BAIAP2L1: variants seen among roughly 807,000 people sequenced by gnomAD.
The protein encoded by BAIAP2L1 is BAR/IMD domain-containing adapter protein 2-like 1.
BAIAP2L1 carries 35 observed loss-of-function variants against 66.3 expected under a neutral mutation model. That is an observed-to-expected ratio of 0.53 (90% CI 0.40 to 0.70). BAIAP2L1 has a LOEUF of 0.70. Among genes scored for constraint, BAIAP2L1 ranks in the 30% least tolerant of loss-of-function variants. The probability of loss-of-function intolerance (pLI) is 0.00; values close to 1 mark genes in which losing one functional copy is unlikely to be tolerated. For synonymous variants in BAIAP2L1, 269 were observed against 248.7 expected (o/e 1.08, Z -0.77); for missense variants, 622 against 656.9 (o/e 0.95, Z 0.58).
chr7:98,308,864 A>C (rs913552745), intron 9 of BAIAP2L1: 1 of 153,060 alleles, frequency 6.5e-6, no homozygotes, highest in Non-Finnish European at 1.5e-5. Flanking sequence ...TTTTTTGTAG[A>C]GACAGTGTCT....
At chr7:98,374,091 A>G (rs1802569336) in intron 1 of BAIAP2L1, among the ~76,000 whole-genome samples, 1 of 152,092 alleles carries the variant, frequency 6.6e-6, no homozygotes, top group Non-Finnish European at 1.5e-5. Flanking sequence ...AGGTGGGACT[A>G]CAGACGCAAA....
chr7:98,356,014 A>G (rs998609592), intron 2 of BAIAP2L1, among the ~76,000 whole-genome samples: 1 of 152,220 alleles, frequency 6.6e-6, no homozygotes, highest in Non-Finnish European at 1.5e-5. Flanking sequence ...TGAATGCTCT[A>G]CTTTTTCTTT....
intron 3 of BAIAP2L1, among the ~76,000 whole-genome samples, chr7:98,331,215 A>C (rs1039163239): frequency 1.3e-5 from 2 of 152,234 alleles, no homozygotes; most frequent in Admixed American, 6.5e-5. Flanking sequence ...ACAAAAAATG[A>C]AACAGAATAT....
intron 3 of BAIAP2L1, among the ~76,000 whole-genome samples, chr7:98,344,897 T>C (rs535304919): frequency 8.3e-4 from 126 of 152,272 alleles, no homozygotes; most frequent in Admixed American, 2.2e-3. Flanking sequence ...GATCGCGCCA[T>C]TGTACTCCAG....
chr7:98,319,851 C>T (rs997660623), intron 5 of BAIAP2L1, among the ~76,000 whole-genome samples: 4 of 152,058 alleles, frequency 2.6e-5, no homozygotes, highest in Non-Finnish European at 5.9e-5. Context: ...GCACCTGGCC[C>T]CTATGCTTTC....
At chr7:98,326,863 T>C (rs908377233) in intron 3 of BAIAP2L1, among the ~76,000 whole-genome samples, 1 of 148,026 alleles carries the variant, frequency 6.8e-6, no homozygotes, top group Non-Finnish European at 1.5e-5. Flanking sequence ...AATTGCTTAC[T>C]AGTCGTGACA....
chr7:98,296,899 G>A (rs552101240), intron 12 of BAIAP2L1, among the ~76,000 whole-genome samples: 15 of 152,274 alleles, frequency 9.9e-5, no homozygotes, highest in Admixed American at 8.5e-4. Flanking sequence ...TGTCTCAACC[G>A]CATACCTCAC....
intron 3 of BAIAP2L1, among the ~76,000 whole-genome samples, chr7:98,345,117 T>C (rs542368354): frequency 2.7e-4 from 41 of 152,124 alleles, no homozygotes; most frequent in African/African-American, 8.4e-4. Flanking sequence ...CTAGGCAACA[T>C]AGCGAGACCC....
intron 3 of BAIAP2L1, among the ~76,000 whole-genome samples, chr7:98,341,452 G>GT (rs781741041): frequency 1.3e-5 from 2 of 152,138 alleles, no homozygotes; most frequent in Non-Finnish European, 2.9e-5. Context: ...GGAGGCTGAG[G>GT]TGGGAGGACT....
At position 98,315,400 on chromosome 7, in the gene BAIAP2L1, G is replaced by A; in HGVS notation, c.639+60C>T. 10 of 1,319,514 alleles carry A rather than the reference G, an allele frequency of 7.6e-6. No individual in the cohort carries two copies. The South Asian group carries it at 2.7e-4, about 36-fold the overall frequency. 81.7% of individuals were successfully genotyped at this position (1,319,514 alleles called of 1,614,324 possible). On this transcript the variant is annotated intron_variant, in intron 7 of 13. Coordinates refer to ENST00000005260, the MANE Select transcript of BAIAP2L1 (RefSeq NM_018842.5). ...CGTGGGCCACGGCCCAGCCTTCTGG[G>A]GCATTTAAATATGAAATAAAGTTAT...
chr7:98,338,129 G>A (rs1801654205), intron 3 of BAIAP2L1, among the ~76,000 whole-genome samples: 1 of 151,878 alleles, frequency 6.6e-6, no homozygotes, highest in South Asian at 2.1e-4. Context: ...AATCATCTTC[G>A]TTACCTTAAG....
At chr7:98,346,684 G>A (rs1192009696) in intron 3 of BAIAP2L1, among the ~76,000 whole-genome samples, 2 of 152,192 alleles carry the variant, frequency 1.3e-5, no homozygotes, top group African/African-American at 2.4e-5. Flanking sequence ...ACAGACAGCC[G>A]AGTGTGTAGC....
At chr7:98,386,462 T>C in intron 1 of BAIAP2L1, 2 of 1,597,406 alleles carry the variant, frequency 1.3e-6, no homozygotes, top group Non-Finnish European at 1.7e-6. Flanking sequence ...CAATATTTCT[T>C]ATACTGAACA....
chr7:98,321,515 C>T (rs764686012), intron 3 of BAIAP2L1, among the ~76,000 whole-genome samples: 21 of 152,160 alleles, frequency 1.4e-4, no homozygotes, highest in African/African-American at 4.3e-4. Flanking sequence ...GAAGCCTCAC[C>T]GCCGAGGGCA....
Position 98,401,053 on chromosome 7 carries a change from T to G in BAIAP2L1, c.-201A>C. The G allele has an allele frequency of 5.6e-5, 22 of 395,052 alleles. No individual in the cohort carries two copies. The highest frequency in any genetic ancestry group is 7.2e-4 in the Middle Eastern group (1 of 1,384). The allele number at this position is 395,052 out of a possible 1,614,324, so 24.5% of individuals were successfully genotyped here. Reference sequence around the variant, plus strand: ...TGCGGCAGCGCCGCCCTGGCCTTCTTCGAGGAGCAGAGGAGAAGCGGCCGG... The same window carrying G: ...TGCGGCAGCGCCGCCCTGGCCTTCTGCGAGGAGCAGAGGAGAAGCGGCCGG... On this transcript the variant is annotated 5_prime_UTR_variant, in exon 1 of 14. Transcript: ENST00000005260.
At chr7:98,357,265 T>A (rs2115704959) in intron 2 of BAIAP2L1, among the ~76,000 whole-genome samples, 1 of 150,114 alleles carries the variant, frequency 6.7e-6, no homozygotes, top group Admixed American at 6.7e-5. Context: ...CTTTAGGATT[T>A]ATTGTAGAGT....
In BAIAP2L1 at chr7:98,293,429, G is replaced by A; in HGVS notation, c.*92C>T. ...ATTAGAGTTAGGCCTCTCCACTGAA[G>A]CTTCCCGACCGTCAGCACGTGGCAG... On this transcript the variant is annotated 3_prime_UTR_variant, in exon 14 of 14. Transcript: ENST00000005260. 3.3e-6 allele frequency: 4 copies of A among 1,228,828 alleles called. No homozygotes were observed. In the South Asian group the frequency reaches 4.9e-5, roughly 15 times the overall value. 76.1% of individuals were successfully genotyped at this position (1,228,828 alleles called of 1,614,324 possible). A position where few individuals can be genotyped will look rare whatever the true frequency, so the allele number is the denominator to read the frequency against.
At position 98,291,675 on chromosome 7, in the gene BAIAP2L1, A is replaced by G. The variant is rs772783029; in HGVS notation, c.*1846T>C. The G allele has an allele frequency of 9.3e-5, 28 of 301,638 alleles. No homozygotes were observed. Among genetic ancestry groups the G allele is most frequent in the Non-Finnish European group, 1.3e-4 (26 of 199,668 alleles). The allele number at this position is 301,638 out of a possible 1,614,324, so 18.7% of individuals were successfully genotyped here. On this transcript the variant is annotated 3_prime_UTR_variant, in exon 14 of 14. Transcript: ENST00000005260. ...TGTTTTCAAGTTCTGCTTTATTATT[A>G]AAGTTGTAATCCCTTGATATTTACA...
intron 1 of BAIAP2L1, chr7:98,386,412 G>A: frequency 6.3e-7 from 1 of 1,591,650 alleles, no homozygotes; most frequent in East Asian, 2.2e-5. Context: ...ACCATCAGAT[G>A]CAATTTTGGT....
Sources: gnomAD v4.1 joint callset for allele counts (sites outside exome capture counted in the v4.1 genomes callset) on GRCh38, gnomAD v4.1.1 for gene constraint, MANE v1.5 for transcripts, NCBI Gene and HGNC (gene_info 2026-07-23, HGNC 2026-07-21) for gene names.